CSMD1: variants seen among roughly 807,000 people sequenced by gnomAD.
CSMD1 encodes the protein CUB and sushi domain-containing protein 1.
CSMD1 carries 213 observed loss-of-function variants against 417.5 expected under a neutral mutation model. The ratio of observed to expected loss-of-function variants is 0.51; its 90% CI spans 0.46 to 0.57. CSMD1 has a LOEUF of 0.57. CSMD1 is among the 20% of genes least tolerant of loss of function. The pLI, the probability that CSMD1 is intolerant of heterozygous loss-of-function variation, is 0.00. For missense variants in CSMD1, 6,923 were observed against 4,529.7 expected, an observed-to-expected ratio of 1.53 and a Z score of -15.17; for synonymous variants, 2,862 against 1,736.8, an observed-to-expected ratio of 1.65 and a Z score of -16.11.
chr8:3,845,093 A>G (rs1022930427), intron 5 of CSMD1, among the ~76,000 whole-genome samples: 2 of 152,238 alleles, frequency 1.3e-5, no homozygotes, highest in African/African-American at 4.8e-5. Flanking sequence ...GCATACATAT[A>G]TTTAGAAGCA....
intron 37 of CSMD1, among the ~76,000 whole-genome samples, chr8:3,178,769 A>C (rs1442725077): frequency 6.6e-6 from 1 of 152,142 alleles, no homozygotes; most frequent in South Asian, 2.1e-4. Flanking sequence ...ACATAAAATA[A>C]AAATCTGAAT....
intron 1 of CSMD1, among the ~76,000 whole-genome samples, chr8:4,835,513 C>G (rs796304480): frequency 6.6e-6 from 1 of 152,120 alleles, no homozygotes; most frequent in East Asian, 1.9e-4. Flanking sequence ...CAATGAGGTA[C>G]GCAAATCCAG....
At chr8:4,774,383 G>A (rs17419398) in intron 1 of CSMD1, among the ~76,000 whole-genome samples, 1 of 151,864 alleles carries the variant, frequency 6.6e-6, no homozygotes, top group Non-Finnish European at 1.5e-5. Context: ...AAGCATTCTT[G>A]AATCCCACCT....
intron 1 of CSMD1, among the ~76,000 whole-genome samples, chr8:4,912,320 A>T (rs1805745563): frequency 1.3e-5 from 2 of 151,598 alleles, no homozygotes; most frequent in African/African-American, 4.8e-5. Context: ...CTAATAAAAG[A>T]AGAGGGAAGA....
chr8:3,747,115 G>A (rs919532597), intron 6 of CSMD1, among the ~76,000 whole-genome samples: 1 of 152,178 alleles, frequency 6.6e-6, no homozygotes, highest in East Asian at 1.9e-4. Flanking sequence ...GAGAAACACA[G>A]TTGTAAAGAC....
intron 1 of CSMD1, among the ~76,000 whole-genome samples, chr8:4,899,947 A>G (rs1804758510): frequency 6.6e-6 from 1 of 152,180 alleles, no homozygotes; most frequent in Non-Finnish European, 1.5e-5. Context: ...GTAGGCCTTT[A>G]AGAAATAGTT....
chr8:3,497,930 A>T (rs1286459117), intron 10 of CSMD1, among the ~76,000 whole-genome samples: 1 of 152,046 alleles, frequency 6.6e-6, no homozygotes, highest in Admixed American at 6.6e-5. Context: ...GGTGGTTATC[A>T]CCCTTTCACT....
chr8:3,925,316 C>G (rs1809573957), intron 5 of CSMD1, among the ~76,000 whole-genome samples: 1 of 152,150 alleles, frequency 6.6e-6, no homozygotes, highest in Admixed American at 6.5e-5. Flanking sequence ...GAGTAAAGTA[C>G]TTGTGCATTT....
At chr8:4,349,860 T>C (rs1182643908) in intron 3 of CSMD1, among the ~76,000 whole-genome samples, 1 of 151,726 alleles carries the variant, frequency 6.6e-6, no homozygotes, top group African/African-American at 2.4e-5. Context: ...TTTTTAACTA[T>C]GTAATGTTAC....
intron 5 of CSMD1, among the ~76,000 whole-genome samples, chr8:3,889,673 C>A (rs940086070): frequency 2.0e-5 from 3 of 151,380 alleles, no homozygotes; most frequent in Admixed American, 6.6e-5. Flanking sequence ...TACTGTCTAT[C>A]TGCAAAATGA....
intron 26 of CSMD1, among the ~76,000 whole-genome samples, chr8:3,240,993 T>C (rs537176367): frequency 8.2e-4 from 123 of 150,634 alleles, no homozygotes; most frequent in East Asian, 9.8e-4. Context: ...GATTAGTTTT[T>C]AATGAGATGA....
chr8:4,992,612 A>G (rs10091726), intron 1 of CSMD1, among the ~76,000 whole-genome samples: 3,725 of 152,252 alleles, frequency 0.024, 150 homozygotes, highest in African/African-American at 0.083. Context: ...ACGCCCCAGC[A>G]CACCTCACAG....
intron 9 of CSMD1, among the ~76,000 whole-genome samples, chr8:3,581,004 C>T (rs13277826): frequency 0.51 from 77,427 of 151,354 alleles, 20,443 homozygotes; most frequent in Non-Finnish European, 0.58. Flanking sequence ...CCAATTAGCT[C>T]ACAGGTAACC....
intron 1 of CSMD1, among the ~76,000 whole-genome samples, chr8:4,949,446 T>C (rs1449361116): frequency 6.6e-6 from 1 of 152,224 alleles, no homozygotes; most frequent in African/African-American, 2.4e-5. Flanking sequence ...GTATTATTTA[T>C]AGAAAAATAT....
At chr8:4,855,632 G>T (rs1313823872) in intron 1 of CSMD1, among the ~76,000 whole-genome samples, 2 of 152,214 alleles carry the variant, frequency 1.3e-5, no homozygotes, top group Admixed American at 6.5e-5. Context: ...AGCCTCTGGA[G>T]CCAATGCAAT....
chr8:4,266,454 G>C (rs1410529758), intron 3 of CSMD1, among the ~76,000 whole-genome samples: 1 of 104,092 alleles, frequency 9.6e-6, no homozygotes, highest in African/African-American at 2.6e-5. Context: ...ATTGATGATT[G>C]GTTAGATAGA....
chr8:3,661,589 C>T (rs1342590092), intron 7 of CSMD1, among the ~76,000 whole-genome samples: 2 of 151,526 alleles, frequency 1.3e-5, no homozygotes, highest in South Asian at 2.1e-4. Context: ...CTCCACCTCC[C>T]GGGTTCAAGT....
chr8:3,805,822 C>G (rs180919753), intron 5 of CSMD1, among the ~76,000 whole-genome samples: 81 of 152,160 alleles, frequency 5.3e-4, no homozygotes, highest in Non-Finnish European at 5.6e-4. Context: ...ACCATTCAAG[C>G]CTTTTCAACT....
chr8:3,178,001 T>C (rs990416706), intron 37 of CSMD1, among the ~76,000 whole-genome samples: 8 of 152,336 alleles, frequency 5.3e-5, no homozygotes, highest in Middle Eastern at 3.4e-3. Context: ...GAAGACTAAA[T>C]GGCTATAGAA....
Sources: gnomAD v4.1 joint callset for allele counts (sites outside exome capture counted in the v4.1 genomes callset) on GRCh38, gnomAD v4.1.1 for gene constraint, MANE v1.5 for transcripts, NCBI Gene and HGNC (gene_info 2026-07-23, HGNC 2026-07-21) for gene names.